SMARCA2: variants seen among roughly 807,000 people sequenced by gnomAD.
SMARCA2 encodes SWI/SNF related BAF chromatin remodeling complex subunit ATPase 2.
In SMARCA2, 61 loss-of-function variants were observed where a neutral mutation model predicts 199.8. The ratio of observed to expected loss-of-function variants is 0.31; its 90% CI spans 0.25 to 0.38. The LOEUF (loss-of-function observed/expected upper bound fraction) is 0.38. Ranked by LOEUF, SMARCA2 falls within the 10% of genes least tolerant of loss-of-function variation. The probability of loss-of-function intolerance (pLI) is 1.00; values close to 1 mark genes in which losing one functional copy is unlikely to be tolerated. For missense variants in SMARCA2, 1,344 were observed against 2,012.2 expected (o/e 0.67, Z 6.35); for synonymous variants, 935 against 732.0 (o/e 1.28, Z -4.48).
intron 27 of SMARCA2, among the ~76,000 whole-genome samples, chr9:2,141,944 A>T (rs543433191): frequency 1.2e-4 from 18 of 152,274 alleles, no homozygotes; most frequent in African/African-American, 4.3e-4. Context: ...GGACTTACGC[A>T]GAATTGAAGA....
At chr9:2,136,701 A>G (rs560950287) in intron 27 of SMARCA2, among the ~76,000 whole-genome samples, 28 of 152,196 alleles carry the variant, frequency 1.8e-4, no homozygotes, top group South Asian at 4.1e-4. Flanking sequence ...GAGAGAGACT[A>G]TTAATAGAGG....
chr9:2,036,323 C>T (rs1819331373), intron 3 of SMARCA2, among the ~76,000 whole-genome samples: 1 of 151,842 alleles, frequency 6.6e-6, no homozygotes, highest in African/African-American at 2.4e-5. Context: ...AGATAATAGC[C>T]CTTGAAGACT....
At chr9:2,130,407 T>C (rs1394354689) in intron 27 of SMARCA2, among the ~76,000 whole-genome samples, 2 of 152,226 alleles carry the variant, frequency 1.3e-5, no homozygotes, top group Non-Finnish European at 2.9e-5. Context: ...TAGGTTTGGC[T>C]CTTGATCGTA....
chr9:2,175,367 A>G (rs570126813), intron 29 of SMARCA2, among the ~76,000 whole-genome samples: 14 of 147,446 alleles, frequency 9.5e-5, no homozygotes, highest in African/African-American at 3.1e-4. Context: ...TGTTTCAAGC[A>G]CCTTTGCTTT....
rs769298835 is a variant in SMARCA2 at position 2,039,433 on chromosome 9, C to A, written c.356-33C>A. On this transcript the variant is annotated intron_variant, in intron 3 of 33. Coordinates refer to ENST00000349721, the MANE Select transcript of SMARCA2 (RefSeq NM_003070.5). The surrounding 1 kb of genome is among the most constrained non-coding windows in gnomAD (Gnocchi z 4.8). ...ATCTCTCTTTCAGGGTTGTCAGGGG[C>A]AGCCTGTGATTTCCTTTTGTGTTTT... is the stretch of plus-strand genomic sequence containing the variant. The A allele has an allele frequency of 3.4e-5, 54 of 1,593,712 alleles. No homozygotes were observed. Among genetic ancestry groups the A allele is most frequent in the Middle Eastern group, 1.7e-4 (1 of 5,868 alleles).
intron 25 of SMARCA2, among the ~76,000 whole-genome samples, chr9:2,118,437 T>C (rs1823309982): frequency 6.6e-6 from 1 of 152,182 alleles, no homozygotes; most frequent in African/African-American, 2.4e-5. Context: ...GTCATCTCAT[T>C]TGAGCCGCTA....
At position 2,017,980 on chromosome 9, in the gene SMARCA2, G is replaced by C. The variant is rs1818436433; in HGVS notation, c.-37+2576G>C. 6.6e-6 allele frequency: 1 copy of C among 152,264 alleles called. No homozygotes were observed. The highest frequency in any genetic ancestry group is 2.4e-5 in the African/African-American group (1 of 41,472). 9.4% of individuals were successfully genotyped at this position (152,264 alleles called of 1,614,324 possible). A position where few individuals can be genotyped will look rare whatever the true frequency, so the allele number is the denominator to read the frequency against. On this transcript the variant is annotated intron_variant, in intron 1 of 33. Transcript: ENST00000349721. The surrounding 1 kb of genome is among the most constrained non-coding windows in gnomAD (Gnocchi z 8.8). Reference sequence around the variant, plus strand: ...TTCCAGCGGGAGGCACCATGAGGGGGAAGAAGGCCTTGCTGGCCGCTGTTG... The same window carrying C: ...TTCCAGCGGGAGGCACCATGAGGGGCAAGAAGGCCTTGCTGGCCGCTGTTG...
chr9:2,178,145 G>A (rs1283986967), intron 29 of SMARCA2, among the ~76,000 whole-genome samples: 2 of 152,052 alleles, frequency 1.3e-5, no homozygotes, highest in East Asian at 1.9e-4. Context: ...TTTCCATCTC[G>A]TACTCTATGG....
At chr9:2,093,653 G>A (rs1407903939) in intron 19 of SMARCA2, among the ~76,000 whole-genome samples, 6 of 152,332 alleles carry the variant, frequency 3.9e-5, no homozygotes, top group African/African-American at 1.4e-4. Flanking sequence ...ATTCTGCAAA[G>A]GAGTGCAGGT....
chr9:2,052,547 C>G (rs1024791208), intron 5 of SMARCA2, among the ~76,000 whole-genome samples: 3 of 152,204 alleles, frequency 2.0e-5, no homozygotes, highest in Non-Finnish European at 2.9e-5. Context: ...GATGACAAAT[C>G]ATTTAATAAA....
At chr9:2,152,578 G>T (rs763011746) in intron 27 of SMARCA2, among the ~76,000 whole-genome samples, 1 of 149,742 alleles carries the variant, frequency 6.7e-6, no homozygotes, top group Non-Finnish European at 1.5e-5. Flanking sequence ...AAGGTCGGGT[G>T]CATTGGCTCA....
At chr9:2,141,606 G>T (rs1248093959) in intron 27 of SMARCA2, among the ~76,000 whole-genome samples, 1 of 152,176 alleles carries the variant, frequency 6.6e-6, no homozygotes, top group Non-Finnish European at 1.5e-5. Flanking sequence ...GCAGTTTAAA[G>T]AGGTGGGGCT....
At chr9:2,042,399 A>T (rs1159801945) in intron 4 of SMARCA2, 1 of 152,216 alleles carries the variant, frequency 6.6e-6, no homozygotes, top group Non-Finnish European at 1.5e-5. Context: ...CACAGACATC[A>T]CCAAGCATTG....
At chr9:2,192,659 T>A in intron 33 of SMARCA2, 45 bp from the exon 34 acceptor site, 1 of 1,341,194 alleles carries the variant, frequency 7.5e-7, no homozygotes, top group Non-Finnish European at 1.1e-6. Context: ...TTCTTTTTCT[T>A]GCATGTGATG....
intron 9 of SMARCA2, among the ~76,000 whole-genome samples, chr9:2,064,151 A>C (rs554597178): frequency 9.2e-5 from 14 of 152,380 alleles, no homozygotes; most frequent in African/African-American, 3.4e-4. Flanking sequence ...AGATCAAGCC[A>C]CCAGGGCCTG....
At chr9:2,073,881 T>A (rs1177222311) in intron 12 of SMARCA2, among the ~76,000 whole-genome samples, 1 of 152,178 alleles carries the variant, frequency 6.6e-6, no homozygotes, top group Non-Finnish European at 1.5e-5. Flanking sequence ...GAAGAGAAGC[T>A]GGCATTAACT....
chr9:2,105,634 T>A (rs570510803), intron 23 of SMARCA2, among the ~76,000 whole-genome samples: 12 of 152,352 alleles, frequency 7.9e-5, no homozygotes, highest in African/African-American at 2.9e-4. Context: ...AATACAGTCC[T>A]ATTAGGCACA....
In SMARCA2 at chr9:2,103,991, T is replaced by C; in HGVS notation, c.3126-12T>C. 1 of 1,610,182 alleles carries C rather than the reference T, an allele frequency of 6.2e-7. No homozygotes were observed. The highest frequency in any genetic ancestry group is 2.2e-5 in the East Asian group (1 of 44,848). On this transcript the variant is annotated splice_polypyrimidine_tract_variant and intron_variant, in intron 22 of 33. Transcript: ENST00000349721. ...ATACTGTCTTCTTGTTTTTGCATTTTTTTGGGTTCAGGGCTGAACTGTATC... is the reference window on the plus strand; with the variant it reads ...ATACTGTCTTCTTGTTTTTGCATTTCTTTGGGTTCAGGGCTGAACTGTATC...
chr9:2,147,533 A>C lies in SMARCA2; in HGVS notation c.3982-14153A>C, dbSNP rs571626011. Among the ~76,000 whole-genome samples, 151 of 152,158 alleles carry C rather than the reference A, an allele frequency of 9.9e-4. 1 individual carries two copies. The highest frequency in any genetic ancestry group is 1.5e-3 in the Non-Finnish European group (101 of 68,028). On this transcript the variant is annotated intron_variant, in intron 27 of 33. Transcript: ENST00000349721. ...TCTTTCTCACAGAAATAACACCTATAATGTTTCACTTAGGATTTCCAGTTT... is the reference window on the plus strand; with the variant it reads ...TCTTTCTCACAGAAATAACACCTATCATGTTTCACTTAGGATTTCCAGTTT...
Sources: allele counts gnomAD v4.1 joint callset (sites outside exome capture counted in the v4.1 genomes callset), GRCh38; gene constraint gnomAD v4.1.1; non-coding constraint Gnocchi (gnomAD v3.1); transcripts MANE v1.5; gene names NCBI Gene and HGNC (gene_info 2026-07-23, HGNC 2026-07-21).